Variants in ZNF644 observed in about 807,000 individuals in gnomAD.
ZNF644 encodes zinc finger motif enhancer binding protein 2.
A neutral mutation model predicts 108.0 loss-of-function variants in ZNF644; 20 were observed. The observed-to-expected ratio is 0.19, with a 90% CI of 0.13 to 0.27. The LOEUF is 0.27. ZNF644 is among the 10% of genes least tolerant of loss of function. The pLI is 1.00. For synonymous variants in ZNF644, 542 were observed against 539.1 expected, an observed-to-expected ratio of 1.01 and a Z score of -0.08; for missense variants, 1,338 against 1,548.9, an observed-to-expected ratio of 0.86 and a Z score of 2.29.
chr1:91,011,342 A>T (rs1659944661), intron 1 of ZNF644, among the ~76,000 whole-genome samples: 1 of 152,206 alleles, frequency 6.6e-6, no homozygotes, highest in South Asian at 2.1e-4. Context: ...CCAAATGTTA[A>T]TGAGAAAGTC....
rs1652265571 is a variant in ZNF644 at position 90,943,939 on chromosome 1, A to G, written c.45-2630T>C. On this transcript the variant is annotated intron_variant, in intron 2 of 5. Coordinates refer to ENST00000337393, the MANE Select transcript of ZNF644 (RefSeq NM_201269.3). ...ATCTCATAAATCTGAAACGAACGAC[A>G]AAAAACTAGCTTGAAAGACAGTTAC... Among the ~76,000 whole-genome samples, 3 of 152,250 alleles carry G rather than the reference A, an allele frequency of 2.0e-5. No individual in the cohort carries two copies. The South Asian group carries it at 6.2e-4, about 31-fold the overall frequency.
intron 2 of ZNF644, among the ~76,000 whole-genome samples, chr1:90,973,641 T>C (rs1217156078): frequency 6.6e-6 from 1 of 152,186 alleles, no homozygotes; most frequent in Non-Finnish European, 1.5e-5. Flanking sequence ...GTAAACATCA[T>C]ATAAACTTTT....
chr1:90,965,660 T>G (rs1303102362), intron 2 of ZNF644, among the ~76,000 whole-genome samples: 1 of 152,198 alleles, frequency 6.6e-6, no homozygotes, highest in African/African-American at 2.4e-5. Flanking sequence ...ACATAAAATG[T>G]TATCAGCAAA....
At chr1:90,923,337 G>A (rs759889605) in intron 4 of ZNF644, among the ~76,000 whole-genome samples, 1 of 151,220 alleles carries the variant, frequency 6.6e-6, no homozygotes, top group East Asian at 1.9e-4. Context: ...TCAATCTCTC[G>A]GCCCATTCAA....
At chr1:90,945,587 A>C (rs1334435872) in intron 2 of ZNF644, among the ~76,000 whole-genome samples, 5 of 152,094 alleles carry the variant, frequency 3.3e-5, no homozygotes, top group African/African-American at 9.6e-5. Flanking sequence ...ACTACACTAC[A>C]TCTTGAGGTT....
At chr1:90,922,414 G>A (rs1006617060) in intron 4 of ZNF644, among the ~76,000 whole-genome samples, 7 of 152,080 alleles carry the variant, frequency 4.6e-5, no homozygotes, top group Admixed American at 3.3e-4. Flanking sequence ...GACAATATTA[G>A]CTATGAGCTC....
At chr1:90,955,289 T>C (rs976309248) in intron 2 of ZNF644, among the ~76,000 whole-genome samples, 8 of 152,214 alleles carry the variant, frequency 5.3e-5, no homozygotes, top group Middle Eastern at 3.2e-3. Context: ...ATTTATGGAA[T>C]TGTTCAATGA....
intron 4 of ZNF644, among the ~76,000 whole-genome samples, chr1:90,936,089 G>A (rs1464173289): frequency 6.6e-6 from 1 of 152,126 alleles, no homozygotes; most frequent in African/African-American, 2.4e-5. Context: ...TCATTACTCT[G>A]AATGCGCAAT....
intron 2 of ZNF644, among the ~76,000 whole-genome samples, chr1:90,957,514 C>G (rs1159350596): frequency 6.6e-6 from 1 of 151,894 alleles, no homozygotes; most frequent in African/African-American, 2.4e-5. Flanking sequence ...ATTAATAGAA[C>G]AAAGAAAAAA....
rs1660682743 is a variant in ZNF644, at chr1:91,019,286, C to T, written c.-18+2704G>A. 2.0e-5 allele frequency among the ~76,000 whole-genome samples: 3 copies of T among 152,174 alleles called. No homozygotes were observed. In the South Asian group the frequency reaches 6.2e-4, roughly 31 times the overall value. On this transcript the variant is annotated intron_variant, in intron 1 of 5. Coordinates refer to ENST00000337393, the MANE Select transcript of ZNF644 (RefSeq NM_201269.3). Reference sequence around the variant, plus strand: ...CACATTCGTTTATCCAACCAAAACACTATTACAAAATGAAAGACACCATTA... The same window carrying T: ...CACATTCGTTTATCCAACCAAAACATTATTACAAAATGAAAGACACCATTA...
At chr1:90,990,083 T>C (rs1316884517) in intron 1 of ZNF644, among the ~76,000 whole-genome samples, 2 of 152,164 alleles carry the variant, frequency 1.3e-5, no homozygotes, top group Non-Finnish European at 2.9e-5. Flanking sequence ...ACAAATACTA[T>C]ATGATTCCAT....
intron 2 of ZNF644, 85 bp from the exon 3 acceptor site, chr1:90,941,394 T>C (rs1262389673): frequency 8.1e-7 from 1 of 1,237,054 alleles, no homozygotes; most frequent in East Asian, 2.4e-5. Flanking sequence ...TACATATTTT[T>C]ATTAGTTTAA....
chr1:91,001,104 G>T (rs1349740471), intron 1 of ZNF644, among the ~76,000 whole-genome samples: 1 of 152,294 alleles, frequency 6.6e-6, no homozygotes, highest in South Asian at 2.1e-4. Context: ...TCTACCAGAG[G>T]TACAAGGAGG....
intron 1 of ZNF644, among the ~76,000 whole-genome samples, chr1:91,007,505 C>T (rs777215240): frequency 2.4e-4 from 37 of 151,968 alleles, no homozygotes; most frequent in African/African-American, 3.4e-4. Context: ...TGAGCCACTG[C>T]GCCCAGCAAA....
chr1:90,939,706 C>A lies in ZNF644; in HGVS notation c.1648G>T (p.Ala550Ser). 1 of 1,613,986 alleles carries A rather than the reference C, an allele frequency of 6.2e-7. No individual in the cohort carries two copies. The highest frequency in any genetic ancestry group is 1.6e-4 in the Middle Eastern group (1 of 6,062). ...LECHRGIAHGAVVKCPMVTSD... is the reference protein window; with the variant it reads ...LECHRGIAHGSVVKCPMVTSD... ...GTGACCATAGGGCATTTTACCACTGCCCCATGTGCAATGCCTCGATGGCAT... is the reference window on the plus strand; with the variant it reads ...GTGACCATAGGGCATTTTACCACTGACCCATGTGCAATGCCTCGATGGCAT... Residue 550 changes from alanine (A) to serine (S), a missense_variant, in exon 3 of 6, where the codon GCA becomes TCA. By Grantham distance (99) the Ala-to-Ser change is moderately conservative. Transcript: ENST00000337393.
chr1:90,953,524 C>A (rs572972978), intron 2 of ZNF644, among the ~76,000 whole-genome samples: 1 of 151,552 alleles, frequency 6.6e-6, no homozygotes, highest in East Asian at 1.9e-4. Context: ...CACATGTACC[C>A]TGGAACTTAA....
chr1:90,952,958 T>TA, intron 2 of ZNF644, among the ~76,000 whole-genome samples: 2 of 118,084 alleles, frequency 1.7e-5, no homozygotes, highest in East Asian at 5.1e-4. Context: ...AAAAAAATCT[T>TA]AAAAGCAGCC....
At position 90,939,327 on chromosome 1, in the gene ZNF644, T is replaced by G; in HGVS notation, c.2027A>C (p.Lys676Thr). ...GSTSQSSSFS[K>T]IHKRPHRIQK... ...TATTCTGTGTGGCCGCTTATGAATT[T>G]TTGAAAAACTACTTGATTGTGAGGT... The change falls in exon 3 of 6, where the codon AAA (lysine) becomes ACA (threonine). Residue 676 changes from lysine to threonine, a missense_variant. By Grantham distance (78) the Lys-to-Thr change is moderately conservative (BLOSUM62 -1). This residue lies in a region of ZNF644 where 462 missense variants were observed against 472.6 expected (regional missense o/e 0.98). Coordinates refer to ENST00000337393, the MANE Select transcript of ZNF644 (RefSeq NM_201269.3). 6.2e-7 allele frequency: 1 copy of G among 1,614,016 alleles called. No homozygotes were observed. Among genetic ancestry groups the G allele is most frequent in the Non-Finnish European group, 8.5e-7 (1 of 1,179,932 alleles).
chr1:90,933,660 T>C (rs999021843), intron 4 of ZNF644, among the ~76,000 whole-genome samples: 1 of 111,588 alleles, frequency 9.0e-6, no homozygotes, highest in Non-Finnish European at 2.0e-5. Context: ...CGAGACTCCG[T>C]CTCAAAATAA....
Sources: gnomAD v4.1 joint callset for allele counts (sites outside exome capture counted in the v4.1 genomes callset) on GRCh38, gnomAD v4.1.1 for gene constraint, gnomAD v4.1.1 regional missense constraint, MANE v1.5 for transcripts, NCBI Gene and HGNC (gene_info 2026-07-23, HGNC 2026-07-21) for gene names.